TBK1: variants seen among roughly 807,000 people sequenced by gnomAD.
TBK1 encodes the protein TANK binding kinase 1.
TBK1 carries 37 observed loss-of-function variants against 99.9 expected under a neutral mutation model. The ratio of observed to expected loss-of-function variants is 0.37; its 90% CI spans 0.28 to 0.49. The LOEUF is 0.49. Ranked by LOEUF, TBK1 falls within the 20% of genes least tolerant of loss-of-function variation. The pLI, the probability that TBK1 is intolerant of heterozygous loss-of-function variation, is 0.98. For synonymous variants in TBK1, 258 were observed against 279.8 expected, an observed-to-expected ratio of 0.92 and a Z score of 0.78; for missense variants, 644 against 872.5, an observed-to-expected ratio of 0.74 and a Z score of 3.30.
At chr12:64,469,709 C>G (rs768020625) in intron 5 of TBK1, among the ~76,000 whole-genome samples, 1 of 152,184 alleles carries the variant, frequency 6.6e-6, no homozygotes, top group Non-Finnish European at 1.5e-5. Flanking sequence ...CAAGCTCAAG[C>G]GCGTGTCCTT....
chr12:64,471,264 G>A (rs569419859), intron 5 of TBK1, among the ~76,000 whole-genome samples: 2 of 151,800 alleles, frequency 1.3e-5, no homozygotes, highest in South Asian at 2.1e-4. Flanking sequence ...CACCTCCCAG[G>A]TTCAGGTGAT....
chr12:64,455,796 G>T, intron 1 of TBK1, 44 bp from the exon 2 acceptor site: 1 of 992,234 alleles, frequency 1.0e-6, no homozygotes, highest in Non-Finnish European at 1.5e-6. Context: ...TCTTAGCTGT[G>T]TTACTCCCTT....
At position 64,467,047 on chromosome 12, in the gene TBK1, C is replaced by CA; in HGVS notation, c.506dup (p.Phe170ValfsTer14). On this transcript the variant is annotated frameshift_variant, in exon 5 of 21. Coordinates refer to ENST00000331710, the MANE Select transcript of TBK1 (RefSeq NM_013254.4). LOFTEE classifies it high-confidence loss of function. ...AGCTAGAGAATTAGAAGATGATGAG[C>CA]AGTTTGTTTCTCTGTATGGCACAGA... The CA allele has an allele frequency of 6.2e-7, 1 of 1,608,438 alleles. No individual in the cohort carries two copies. Among genetic ancestry groups the CA allele is most frequent in the Non-Finnish European group, 8.5e-7 (1 of 1,177,288 alleles).
chr12:64,498,081 T>G, intron 20 of TBK1, 42 bp downstream of exon 20: 1 of 1,516,146 alleles, frequency 6.6e-7, no homozygotes. Context: ...TCTGTGCAAT[T>G]GAGTTCATTC....
chr12:64,494,121 T>A (rs896361800), intron 13 of TBK1, among the ~76,000 whole-genome samples: 1 of 152,156 alleles, frequency 6.6e-6, no homozygotes, highest in African/African-American at 2.4e-5. Flanking sequence ...TAAACATTAA[T>A]GTTAAAACAG....
intron 5 of TBK1, among the ~76,000 whole-genome samples, chr12:64,472,261 C>A (rs1297384450): frequency 6.6e-6 from 1 of 150,666 alleles, no homozygotes; most frequent in Non-Finnish European, 1.5e-5. Context: ...AGCACCCCCC[C>A]ACCACCCCGA....
intron 5 of TBK1, among the ~76,000 whole-genome samples, chr12:64,471,793 G>C (rs11829350): frequency 0.039 from 5,964 of 152,204 alleles, 391 homozygotes; most frequent in African/African-American, 0.14. Context: ...CATCAGGACA[G>C]AGCCAGTGGG....
At chr12:64,474,967 C>T (rs993529012) in intron 6 of TBK1, among the ~76,000 whole-genome samples, 1 of 151,878 alleles carries the variant, frequency 6.6e-6, no homozygotes, top group Non-Finnish European at 1.5e-5. Context: ...AAAATACAAA[C>T]ATTAGCCAGG....
At chr12:64,482,599 A>T (rs1045578552) in intron 8 of TBK1, among the ~76,000 whole-genome samples, 1 of 152,192 alleles carries the variant, frequency 6.6e-6, no homozygotes, top group African/African-American at 2.4e-5. Flanking sequence ...CATATATACA[A>T]CACTGGTTCC....
chr12:64,491,554 C>T (rs1476299385), intron 13 of TBK1, among the ~76,000 whole-genome samples: 3 of 151,996 alleles, frequency 2.0e-5, no homozygotes, highest in South Asian at 2.1e-4. Context: ...ACCGAGGAGG[C>T]GAACGTTACA....
intron 8 of TBK1, among the ~76,000 whole-genome samples, chr12:64,482,780 G>T (rs537851503): frequency 1.3e-5 from 2 of 152,282 alleles, no homozygotes; most frequent in South Asian, 4.1e-4. Flanking sequence ...TATAGCCTAG[G>T]TGTGTAGAAG....
At chr12:64,497,112 G>A (rs2040934506) in intron 17 of TBK1, 51 bp from the exon 18 acceptor site, 2 of 1,579,934 alleles carry the variant, frequency 1.3e-6, no homozygotes, top group Middle Eastern at 1.7e-4. Context: ...TATATTTGAA[G>A]TAAGAATGCT....
intron 7 of TBK1, 65 bp downstream of exon 7, chr12:64,480,187 AC>A: frequency 9.2e-7 from 1 of 1,086,898 alleles, no homozygotes; most frequent in Non-Finnish European, 1.4e-6. Context: ...GTTGCCTAGA[AC>A]CACAGATACT....
intron 5 of TBK1, among the ~76,000 whole-genome samples, chr12:64,467,743 T>C (rs901392383): frequency 2.0e-5 from 3 of 152,212 alleles, no homozygotes; most frequent in African/African-American, 7.2e-5. Flanking sequence ...TGGATTGTGC[T>C]GTTGTAATTT....
At chr12:64,484,608 G>A (rs2040800631) in intron 9 of TBK1, 109 bp downstream of exon 9, 1 of 1,052,022 alleles carries the variant, frequency 9.5e-7, no homozygotes, top group African/African-American at 1.6e-5. Context: ...AAAAATTAGT[G>A]GGGCATGGTG....
Position 64,481,926 on chromosome 12 carries a change from T to G in TBK1, c.897T>G (p.Phe299Leu). 1 of 1,612,552 alleles carries G rather than the reference T, an allele frequency of 6.2e-7. No homozygotes were observed. The highest frequency in any genetic ancestry group is 8.5e-7 in the Non-Finnish European group (1 of 1,179,300). Reference sequence around the variant, plus strand: ...AGTGTTGGGGTTTTGACCAGTTTTTTGCAGAAACTAGTGATATACTTCACC... The same window carrying G: ...AGTGTTGGGGTTTTGACCAGTTTTTGGCAGAAACTAGTGATATACTTCACC... ...QEKCWGFDQF[F>L]AETSDILHRM... The change falls in exon 8 of 21, where the codon TTT becomes TTG. Residue 299 changes from phenylalanine to leucine, a missense_variant. Phe to Leu is a conservative substitution (Grantham distance 22). This residue lies in a region of TBK1 where 465 missense variants were observed against 588.0 expected (regional missense o/e 0.79). Transcript: ENST00000331710.
chr12:64,459,102 C>T (rs983238813), intron 2 of TBK1, among the ~76,000 whole-genome samples: 2 of 152,026 alleles, frequency 1.3e-5, no homozygotes, highest in African/African-American at 4.8e-5. Flanking sequence ...AAAGAGGGCT[C>T]CAAAGCAGGA....
chr12:64,471,291 C>T (rs999671155), intron 5 of TBK1, among the ~76,000 whole-genome samples: 6 of 151,350 alleles, frequency 4.0e-5, no homozygotes, highest in African/African-American at 1.5e-4. Context: ...GTGCCAGCCT[C>T]CTAGATAGCT....
chr12:64,474,404 C>G lies in TBK1; in HGVS notation c.701+14C>G. On this transcript the variant is annotated intron_variant, in intron 6 of 20. Transcript: ENST00000331710. The stretch of plus-strand genomic sequence containing the variant: ...TAAAGAAGTGATGTAAGTGGTTTCC[C>G]GATCTAAAATCAGAGAAGCATTTAA... 1 of 1,593,500 alleles carries G rather than the reference C, an allele frequency of 6.3e-7. No homozygotes were observed. Among genetic ancestry groups the G allele is most frequent in the Non-Finnish European group, 8.6e-7 (1 of 1,169,116 alleles).
Sources: allele counts gnomAD v4.1 joint callset (sites outside exome capture counted in the v4.1 genomes callset), GRCh38; gene constraint gnomAD v4.1.1; regional missense constraint gnomAD v4.1.1; transcripts MANE v1.5; gene names NCBI Gene and HGNC (gene_info 2026-07-23, HGNC 2026-07-21).